The following APP variants were observed in gnomAD, a reference collection of about 807,000 sequenced individuals.
APP encodes amyloid-beta precursor protein.
A neutral mutation model predicts 101.4 loss-of-function variants in APP; 31 were observed. That is an observed-to-expected ratio of 0.31 (90% confidence interval 0.23 to 0.41). The LOEUF (loss-of-function observed/expected upper bound fraction) is 0.41, where lower values mean the gene tolerates loss of function less well. Ranked by LOEUF, APP falls within the 10% of genes least tolerant of loss-of-function variation. The pLI, the probability that APP is intolerant of heterozygous loss-of-function variation, is 1.00. For missense variants in APP, 839 were observed against 1,003.7 expected, an observed-to-expected ratio of 0.84 and a Z score of 2.22; for synonymous variants, 366 against 364.4, an observed-to-expected ratio of 1.00 and a Z score of -0.05.
chr21:26,166,754 G>C (rs2063619073), intron 1 of APP, among the ~76,000 whole-genome samples: 1 of 152,150 alleles, frequency 6.6e-6, no homozygotes, highest in Non-Finnish European at 1.5e-5. Flanking sequence ...TGCCCATCAA[G>C]ATGCTACTGA....
intron 8 of APP, among the ~76,000 whole-genome samples, chr21:25,988,558 T>C (rs1040044524): frequency 2.6e-5 from 4 of 151,704 alleles, no homozygotes; most frequent in African/African-American, 7.3e-5. Flanking sequence ...TAAAATTAGC[T>C]GGGCGTGGTG....
At chr21:26,160,171 C>A (rs1462650513) in intron 1 of APP, among the ~76,000 whole-genome samples, 10 of 152,184 alleles carry the variant, frequency 6.6e-5, no homozygotes, top group African/African-American at 2.4e-4. Flanking sequence ...GAATTCCCCC[C>A]TCTCCTATTT....
intron 1 of APP, among the ~76,000 whole-genome samples, chr21:26,157,408 T>C (rs2063398409): frequency 6.6e-6 from 1 of 152,136 alleles, no homozygotes. Flanking sequence ...CAAAATGAAA[T>C]GTTAGAAAGT....
At chr21:26,003,876 C>T (rs1375974303) in intron 6 of APP, among the ~76,000 whole-genome samples, 1 of 152,146 alleles carries the variant, frequency 6.6e-6, no homozygotes, top group Non-Finnish European at 1.5e-5. Flanking sequence ...AAGCTGACTT[C>T]GGAGAGGACT....
At chr21:25,946,060 C>T (rs2040807378) in intron 13 of APP, 2 of 329,540 alleles carry the variant, frequency 6.1e-6, no homozygotes, top group Admixed American at 8.6e-5. Context: ...CTCTACCTCA[C>T]ACCATATATG....
intron 8 of APP, among the ~76,000 whole-genome samples, chr21:25,996,771 C>T (rs564052525): frequency 7.2e-5 from 11 of 152,340 alleles, no homozygotes; most frequent in East Asian, 3.9e-4. Context: ...GCCCACTTAC[C>T]GAACTGGATA....
In APP at chr21:25,972,959, G is replaced by A. The variant is rs552019895; in HGVS notation, c.1458+2111C>T. 3.9e-5 allele frequency among the ~76,000 whole-genome samples: 6 copies of A among 152,252 alleles called. No individual in the cohort carries two copies. The East Asian group carries it at 7.7e-4, about 20-fold the overall frequency. On this transcript the variant is annotated intron_variant, in intron 11 of 17. Transcript: ENST00000346798. ...ACTTTTGTAAAGTACTGTCTGTGGA[G>A]TGGTATAATATCATTTGAACTGACA...
chr21:26,117,894 C>G (rs1258943589), intron 1 of APP, among the ~76,000 whole-genome samples: 1 of 152,108 alleles, frequency 6.6e-6, no homozygotes, highest in Admixed American at 6.5e-5. Context: ...AAAACAATTC[C>G]TTTCAGAGGA....
chr21:25,997,780 G>C (rs951238287), intron 7 of APP, among the ~76,000 whole-genome samples: 1 of 152,112 alleles, frequency 6.6e-6, no homozygotes, highest in African/African-American at 2.4e-5. Context: ...TCTCGGCTCT[G>C]GCTGTTTGCT....
chr21:26,062,626 C>T (rs966665503), intron 3 of APP, among the ~76,000 whole-genome samples: 1 of 149,636 alleles, frequency 6.7e-6, no homozygotes, highest in African/African-American at 2.5e-5. Flanking sequence ...TGTGTCATTG[C>T]ACTCCAGCCT....
At chr21:26,102,831 A>C (rs2062091462) in intron 2 of APP, among the ~76,000 whole-genome samples, 1 of 144,492 alleles carries the variant, frequency 6.9e-6, no homozygotes, top group African/African-American at 2.6e-5. Context: ...CAAAGAATGC[A>C]GTGAGCCAAG....
intron 10 of APP, among the ~76,000 whole-genome samples, chr21:25,975,625 C>A (rs1001957182): frequency 6.6e-6 from 1 of 152,078 alleles, no homozygotes; most frequent in Non-Finnish European, 1.5e-5. Context: ...AGACTGGTTT[C>A]CATCAAAAAT....
At chr21:25,983,454 G>T in intron 8 of APP, among the ~76,000 whole-genome samples, 1 of 152,074 alleles carries the variant, frequency 6.6e-6, no homozygotes, top group South Asian at 2.1e-4. Flanking sequence ...ATTACATTTG[G>T]GATATAATAT....
At chr21:26,115,573 A>G (rs995343699) in intron 1 of APP, among the ~76,000 whole-genome samples, 1 of 152,242 alleles carries the variant, frequency 6.6e-6, no homozygotes, top group Admixed American at 6.5e-5. Flanking sequence ...GCATTCAGCC[A>G]GAAGGAAATG....
chr21:26,141,655 G>T (rs1325083179), intron 1 of APP, among the ~76,000 whole-genome samples: 1 of 152,170 alleles, frequency 6.6e-6, no homozygotes, highest in Non-Finnish European at 1.5e-5. Flanking sequence ...TGGCTTAGTA[G>T]TCATATTAAT....
At chr21:26,039,049 G>A (rs945955303) in intron 5 of APP, among the ~76,000 whole-genome samples, 1 of 152,072 alleles carries the variant, frequency 6.6e-6, no homozygotes, top group Non-Finnish European at 1.5e-5. Flanking sequence ...TTCTTTCCTT[G>A]ACTACTTGGA....
intron 1 of APP, among the ~76,000 whole-genome samples, chr21:26,117,779 T>C (rs1002103438): frequency 5.9e-5 from 9 of 152,232 alleles, no homozygotes; most frequent in African/African-American, 2.2e-4. Context: ...TATTTACCCT[T>C]GTGGAGAGTT....
At chr21:26,131,940 A>G (rs2062806058) in intron 1 of APP, among the ~76,000 whole-genome samples, 1 of 151,786 alleles carries the variant, frequency 6.6e-6, no homozygotes, top group Non-Finnish European at 1.5e-5. Flanking sequence ...TGTTTTCTTA[A>G]ATAAGGAAAA....
At chr21:25,897,541 A>C in intron 16 of APP, 32 bp downstream of exon 16, 1 of 1,500,840 alleles carries the variant, frequency 6.7e-7, no homozygotes, top group Non-Finnish European at 9.3e-7. Flanking sequence ...CAAGACAAAC[A>C]GTAGTGGAAA....
Sources: gnomAD v4.1 joint callset for allele counts (sites outside exome capture counted in the v4.1 genomes callset) on GRCh38, gnomAD v4.1.1 for gene constraint, MANE v1.5 for transcripts, NCBI Gene and HGNC (gene_info 2026-07-23, HGNC 2026-07-21) for gene names.